MMAA: variants seen among roughly 807,000 people sequenced by gnomAD.
MMAA encodes the protein methylmalonic aciduria type A protein, mitochondrial.
Under a neutral mutation model 45.0 loss-of-function variants are expected in MMAA, and 41 were observed. The ratio of observed to expected loss-of-function variants is 0.91; its 90% CI spans 0.71 to 1.18. The LOEUF (loss-of-function observed/expected upper bound fraction) is 1.18. Ranked by LOEUF, MMAA falls within the 50% of genes most tolerant of loss-of-function variation. The pLI, the probability that MMAA is intolerant of heterozygous loss-of-function variation, is 0.00. For synonymous variants in MMAA, 154 were observed against 178.2 expected, an observed-to-expected ratio of 0.86 and a Z score of 1.08; for missense variants, 460 against 495.7, an observed-to-expected ratio of 0.93 and a Z score of 0.68.
intron 1 of MMAA, chr4:145,624,817 C>T: frequency 6.2e-7 from 1 of 1,608,076 alleles, no homozygotes; most frequent in East Asian, 2.2e-5. Flanking sequence ...CTGCACACCT[C>T]CTCTACCTTA....
At chr4:145,632,761 C>CTT (rs113394222) in intron 1 of MMAA, among the ~76,000 whole-genome samples, 1 of 144,836 alleles carries the variant, frequency 6.9e-6, no homozygotes, top group Non-Finnish European at 1.5e-5. Flanking sequence ...CTCACTAATT[C>CTT]TTTTTTTTTT....
intron 1 of MMAA, among the ~76,000 whole-genome samples, chr4:145,622,412 A>G (rs1012615504): frequency 1.3e-5 from 2 of 152,138 alleles, no homozygotes; most frequent in Non-Finnish European, 2.9e-5. Flanking sequence ...GTATGTCTTT[A>G]TCAGCAGCCT....
chr4:145,634,718 A>G (rs1311416190), intron 1 of MMAA, among the ~76,000 whole-genome samples: 2 of 151,824 alleles, frequency 1.3e-5, no homozygotes, highest in South Asian at 2.1e-4. Flanking sequence ...AAGGCCCTCT[A>G]TGTAGTACCT....
intron 1 of MMAA, among the ~76,000 whole-genome samples, chr4:145,626,929 A>G (rs2126608734): frequency 6.6e-6 from 1 of 152,352 alleles, no homozygotes; most frequent in East Asian, 1.9e-4. Flanking sequence ...AGAATTACAT[A>G]CATCTGGATA....
chr4:145,625,983 A>G (rs1464104371), intron 1 of MMAA: 5 of 1,492,614 alleles, frequency 3.3e-6, no homozygotes, highest in Non-Finnish European at 4.7e-6. Context: ...ACTACCCCTC[A>G]AAAGGGGTTC....
At chr4:145,622,372 C>G (rs1734106171) in intron 1 of MMAA, among the ~76,000 whole-genome samples, 1 of 152,094 alleles carries the variant, frequency 6.6e-6, no homozygotes, top group Admixed American at 6.5e-5. Flanking sequence ...CCATTAAACC[C>G]TTTTTCCTGT....
rs895198093 is a variant in MMAA at position 145,658,269 on chromosome 4, A to G, written c.*2835A>G. ...AGATATTTATAGAAAGAACAGCCTA[A>G]TACAGGTGCTAAATACATATCTGAC... On this transcript the variant is annotated 3_prime_UTR_variant, in exon 7 of 7. Coordinates refer to ENST00000649156, the MANE Select transcript of MMAA (RefSeq NM_172250.3). The G allele has an allele frequency of 6.6e-6, 1 of 152,210 alleles. No homozygotes were observed. Among genetic ancestry groups the G allele is most frequent in the Non-Finnish European group, 1.5e-5 (1 of 68,040 alleles). The allele number at this position is 152,210 out of a possible 1,614,324, so 9.4% of individuals were successfully genotyped here.
Position 145,624,244 on chromosome 4 carries a change from A to ATCACAAAC in MMAA, c.-66+4837_-66+4838insTCACAAAC, listed in dbSNP as rs1734149933. 3.5e-5 allele frequency: 28 copies of ATCACAAAC among 804,644 alleles called. 1 individual carries two copies. The highest frequency in any genetic ancestry group is 1.7e-5 in the Admixed American group (1 of 59,024). 49.8% of individuals were successfully genotyped at this position (804,644 alleles called of 1,614,324 possible). ...GGCAAAGAGATCACAAACTGCAGGGAGGCCATAATGGTCTGGGGGGAAGTT... is the reference window on the plus strand; with the variant it reads ...GGCAAAGAGATCACAAACTGCAGGGATCACAAACGGCCATAATGGTCTGGGGGGAAGTT... On this transcript the variant is annotated intron_variant, in intron 1 of 6. Transcript: ENST00000649156.
intron 1 of MMAA, among the ~76,000 whole-genome samples, chr4:145,633,769 G>A (rs1427510179): frequency 6.6e-6 from 1 of 152,210 alleles, no homozygotes; most frequent in African/African-American, 2.4e-5. Flanking sequence ...GGGCTTGGGT[G>A]TTCTGATCTA....
At chr4:145,645,068 A>G (rs545036078) in intron 3 of MMAA, among the ~76,000 whole-genome samples, 1 of 152,334 alleles carries the variant, frequency 6.6e-6, no homozygotes, top group African/African-American at 2.4e-5. Flanking sequence ...GAGAGCTCCA[A>G]ATTTTCTAAG....
At chr4:145,628,017 G>A (rs1013423584) in intron 1 of MMAA, among the ~76,000 whole-genome samples, 5 of 151,990 alleles carry the variant, frequency 3.3e-5, no homozygotes, top group African/African-American at 7.3e-5. Context: ...AGAAACTGAC[G>A]TATAAATGCA....
At chr4:145,627,181 A>G (rs1156305181) in intron 1 of MMAA, among the ~76,000 whole-genome samples, 1 of 152,198 alleles carries the variant, frequency 6.6e-6, no homozygotes, top group East Asian at 1.9e-4. Context: ...GCAATCTAGA[A>G]TATTTATTTA....
intron 1 of MMAA, among the ~76,000 whole-genome samples, chr4:145,620,303 A>G (rs1734064067): frequency 6.6e-6 from 1 of 152,244 alleles, no homozygotes; most frequent in African/African-American, 2.4e-5. Flanking sequence ...AAGCATGAAA[A>G]GTTACATATC....
chr4:145,633,067 T>C (rs1727500401), intron 1 of MMAA, among the ~76,000 whole-genome samples: 1 of 151,758 alleles, frequency 6.6e-6, no homozygotes. Context: ...AATTCTTTCT[T>C]CTGCTTGATC....
intron 1 of MMAA, chr4:145,624,901 C>T: frequency 6.4e-7 from 1 of 1,572,730 alleles, no homozygotes; most frequent in African/African-American, 1.3e-5. Context: ...TTCTTGGCCC[C>T]CAAGTGGTCA....
intron 1 of MMAA, chr4:145,624,965 C>T (rs750021265): frequency 9.1e-7 from 1 of 1,095,480 alleles, no homozygotes; most frequent in Non-Finnish European, 1.4e-6. Context: ...GGGCTGGTTT[C>T]CCTGACAGTT....
At chr4:145,635,000 A>G (rs1025320877) in intron 1 of MMAA, among the ~76,000 whole-genome samples, 1 of 151,668 alleles carries the variant, frequency 6.6e-6, no homozygotes, top group Non-Finnish European at 1.5e-5. Context: ...TGCAGCCATG[A>G]GCTATGCAGC....
rs1423917185 is a variant in MMAA at position 145,651,141 on chromosome 4, G to A, written c.813G>A (p.Glu271=). ...VLLLPPAGGD[E]LQGIKRGIIE... ...TACTGCCACCAGCAGGAGGAGATGA[G>A]CTGCAGGTAATTATTTTTATTTTTT... The change falls in exon 5 of 7, where the codon GAG becomes GAA. Residue 271 remains glutamate, a synonymous_variant. Transcript: ENST00000649156. 6.2e-7 allele frequency: 1 copy of A among 1,613,184 alleles called. No homozygotes were observed. Among genetic ancestry groups the A allele is most frequent in the Non-Finnish European group, 8.5e-7 (1 of 1,179,334 alleles).
At chr4:145,620,685 C>T (rs1231996693) in intron 1 of MMAA, among the ~76,000 whole-genome samples, 1 of 151,830 alleles carries the variant, frequency 6.6e-6, no homozygotes, top group Non-Finnish European at 1.5e-5. Context: ...GACACAGACC[C>T]GATTGTAAGA....
Sources: gnomAD v4.1 joint callset for allele counts (sites outside exome capture counted in the v4.1 genomes callset) on GRCh38, gnomAD v4.1.1 for gene constraint, MANE v1.5 for transcripts, NCBI Gene and HGNC (gene_info 2026-07-23, HGNC 2026-07-21) for gene names.